Variants in KLHDC10 observed in about 807,000 individuals in gnomAD.
The protein encoded by KLHDC10 is kelch domain-containing protein 10.
KLHDC10 carries 24 observed loss-of-function variants against 56.1 expected under a neutral mutation model. The ratio of observed to expected loss-of-function variants is 0.43; its 90% CI spans 0.31 to 0.60. The LOEUF is 0.60. Among genes scored for constraint, KLHDC10 ranks in the 20% least tolerant of loss-of-function variants. The probability of loss-of-function intolerance (pLI) is 0.11; values close to 1 mark genes in which losing one functional copy is unlikely to be tolerated. For missense variants in KLHDC10, 349 were observed against 567.0 expected (o/e 0.62, Z 3.91); for synonymous variants, 188 against 207.1 (o/e 0.91, Z 0.79).
chr7:130,129,669 C>T, intron 9 of KLHDC10, 93 bp downstream of exon 9: 8 of 1,173,962 alleles, frequency 6.8e-6, no homozygotes, highest in Non-Finnish European at 9.7e-6. Context: ...CAGATATAGG[C>T]AAACCTTAGA....
chr7:130,075,321 T>C (rs1377933636), intron 1 of KLHDC10, among the ~76,000 whole-genome samples: 1 of 152,170 alleles, frequency 6.6e-6, no homozygotes. Context: ...AGGAAAAATG[T>C]AACAGTTGGT....
chr7:130,074,856 A>C (rs1795476094), intron 1 of KLHDC10, among the ~76,000 whole-genome samples: 1 of 151,956 alleles, frequency 6.6e-6, no homozygotes, highest in Admixed American at 6.6e-5. Flanking sequence ...TGATCCACCC[A>C]CCTTGGCCTC....
intron 5 of KLHDC10, among the ~76,000 whole-genome samples, chr7:130,123,421 G>C (rs1266473895): frequency 6.6e-6 from 1 of 150,634 alleles, no homozygotes; most frequent in Non-Finnish European, 1.5e-5. Context: ...AGTGAGCTGA[G>C]ATCACGCCAT....
intron 1 of KLHDC10, among the ~76,000 whole-genome samples, chr7:130,093,166 A>G (rs1396780133): frequency 2.0e-5 from 3 of 151,890 alleles, no homozygotes; most frequent in African/African-American, 7.3e-5. Flanking sequence ...AAAAACTAGC[A>G]AAAAATAAAA....
Position 130,122,186 on chromosome 7 carries a change from G to A in KLHDC10, c.763G>A (p.Asp255Asn). Reference protein sequence around the residue: ...TQLKPNNLSCDLPEERYRHEI... With the variant: ...TQLKPNNLSCNLPEERYRHEI... ...ACTGAAACCAAACAACCTATCCTGT[G>A]ATCTACCAGAAGAGAGGTGAGGTTC... Residue 255 changes from aspartate (D) to asparagine (N), a missense_variant, in exon 5 of 10, where the codon GAT becomes AAT. Around this residue, in one of 2 missense-constraint regions of KLHDC10, gnomAD observed 245 missense variants for 470.1 expected, o/e 0.52. Coordinates refer to ENST00000335420, the MANE Select transcript of KLHDC10 (RefSeq NM_014997.4). The A allele has an allele frequency of 6.2e-7, 1 of 1,613,716 alleles. No homozygotes were observed. Among genetic ancestry groups the A allele is most frequent in the Non-Finnish European group, 8.5e-7 (1 of 1,179,856 alleles).
chr7:130,079,522 T>C (rs908179526), intron 1 of KLHDC10, among the ~76,000 whole-genome samples: 8 of 152,212 alleles, frequency 5.3e-5, no homozygotes, highest in Admixed American at 3.3e-4. Context: ...TGAACCATTC[T>C]TGTGTTCCTG....
intron 2 of KLHDC10, among the ~76,000 whole-genome samples, chr7:130,098,807 A>G (rs934070393): frequency 2.0e-5 from 3 of 152,194 alleles, no homozygotes; most frequent in Non-Finnish European, 4.4e-5. Context: ...AACAGGTTGT[A>G]TCTGTATGAT....
chr7:130,121,456 CA>C (rs539873925), intron 4 of KLHDC10, among the ~76,000 whole-genome samples: 4 of 152,182 alleles, frequency 2.6e-5, no homozygotes, highest in Non-Finnish European at 5.9e-5. Context: ...TTAAAACAAC[CA>C]AGCTTTGACT....
At position 130,133,397 on chromosome 7, in the gene KLHDC10, A is replaced by G. The variant is rs951605117; in HGVS notation, c.*2651A>G. The stretch of plus-strand genomic sequence containing the variant: ...ATTTAAGTGCAATATATAGAAACAT[A>G]TGGATATATACAGATTATATATAGG... On this transcript the variant is annotated 3_prime_UTR_variant, in exon 10 of 10. Coordinates refer to ENST00000335420, the MANE Select transcript of KLHDC10 (RefSeq NM_014997.4). The G allele has an allele frequency of 6.6e-6, 1 of 152,216 alleles. No homozygotes were observed. The highest frequency in any genetic ancestry group is 1.5e-5 in the Non-Finnish European group (1 of 68,032). 9.4% of individuals were successfully genotyped at this position (152,216 alleles called of 1,614,324 possible).
chr7:130,089,636 C>T (rs1795742689), intron 1 of KLHDC10, among the ~76,000 whole-genome samples: 1 of 152,196 alleles, frequency 6.6e-6, no homozygotes, highest in African/African-American at 2.4e-5. Flanking sequence ...TCCAGGTAGA[C>T]ATAGTCCCAT....
At chr7:130,098,249 T>C (rs1197519874) in intron 2 of KLHDC10, among the ~76,000 whole-genome samples, 2 of 152,132 alleles carry the variant, frequency 1.3e-5, no homozygotes, top group African/African-American at 4.8e-5. Flanking sequence ...TCCCAGCTCT[T>C]TGGGAGGCCA....
chr7:130,133,706 T>C lies in KLHDC10; in HGVS notation c.*2960T>C, dbSNP rs936664093. Reference sequence around the variant, plus strand: ...TGTTGCCGGAGAACAAGGAAGTCCATCTGTAAGGAGTTTCCTAAACGGAGA... The same window carrying C: ...TGTTGCCGGAGAACAAGGAAGTCCACCTGTAAGGAGTTTCCTAAACGGAGA... On this transcript the variant is annotated 3_prime_UTR_variant, in exon 10 of 10. Coordinates refer to ENST00000335420, the MANE Select transcript of KLHDC10 (RefSeq NM_014997.4). The C allele has an allele frequency of 3.9e-5, 6 of 152,248 alleles. No individual in the cohort carries two copies. The highest frequency in any genetic ancestry group is 1.4e-4 in the African/African-American group (6 of 41,458). The allele number at this position is 152,248 out of a possible 1,614,324, so 9.4% of individuals were successfully genotyped here.
intron 1 of KLHDC10, among the ~76,000 whole-genome samples, chr7:130,089,108 A>T (rs1316709287): frequency 6.6e-6 from 1 of 152,100 alleles, no homozygotes; most frequent in African/African-American, 2.4e-5. Context: ...AAAAAAACCC[A>T]TGTACAGTAA....
At chr7:130,097,133 GA>G (rs1795860895) in intron 2 of KLHDC10, 126 bp downstream of exon 2, 1 of 580,612 alleles carries the variant, frequency 1.7e-6, no homozygotes, top group East Asian at 2.7e-5. Context: ...GTTGGAATAA[GA>G]AAAATCTAGA....
rs529390342 is a variant in KLHDC10 at position 130,115,570 on chromosome 7, C to T, written c.254-875C>T. Reference sequence around the variant, plus strand: ...GTCTCTACTAAAAACACAAAATTAGCCAGGCATGGTGGCGGGCACCTATAA... The same window carrying T: ...GTCTCTACTAAAAACACAAAATTAGTCAGGCATGGTGGCGGGCACCTATAA... On this transcript the variant is annotated intron_variant, in intron 2 of 9. Coordinates refer to ENST00000335420, the MANE Select transcript of KLHDC10 (RefSeq NM_014997.4). 7.9e-5 allele frequency among the ~76,000 whole-genome samples: 12 copies of T among 151,840 alleles called. No individual in the cohort carries two copies. The East Asian group carries it at 1.5e-3, about 20-fold the overall frequency.
chr7:130,107,364 T>A (rs1417223420), intron 2 of KLHDC10, among the ~76,000 whole-genome samples: 5 of 152,212 alleles, frequency 3.3e-5, no homozygotes, highest in Non-Finnish European at 2.9e-5. Flanking sequence ...AGATAATTCA[T>A]GATAACTAAT....
Position 130,128,903 on chromosome 7 carries a change from T to A in KLHDC10, c.980-534T>A, listed in dbSNP as rs1337161684. On this transcript the variant is annotated intron_variant, in intron 8 of 9. Coordinates refer to ENST00000335420, the MANE Select transcript of KLHDC10 (RefSeq NM_014997.4). The stretch of plus-strand genomic sequence containing the variant: ...AAAAAAAAAAAAATATATATATATA[T>A]ATATATATATATATATACATACTAG... Among the ~76,000 whole-genome samples the A allele has an allele frequency of 8.9e-4, 102 of 115,026 alleles. 3 individuals carry two copies. Among genetic ancestry groups the A allele is most frequent in the Middle Eastern group, 9.3e-3 (2 of 216 alleles). 75.5% of individuals were successfully genotyped at this position (115,026 alleles called of 152,430 possible).
At chr7:130,129,271 A>G (rs1167579025) in intron 8 of KLHDC10, among the ~76,000 whole-genome samples, 166 bp from the exon 9 acceptor site, 19 of 152,134 alleles carry the variant, frequency 1.2e-4, no homozygotes, top group Admixed American at 1.2e-3. Flanking sequence ...AGTTCTGTTG[A>G]GGGACAAGAC....
Position 130,070,759 on chromosome 7 carries a change from C to T in KLHDC10, c.116C>T (p.Thr39Ile), listed in dbSNP as rs764727760. Residue 39 changes from threonine (T) to isoleucine (I), a missense_variant, in exon 1 of 10, where the codon ACT becomes ATT. Around this residue, in one of 2 missense-constraint regions of KLHDC10, gnomAD observed 104 missense variants for 97.0 expected, o/e 1.07. Coordinates refer to ENST00000335420, the MANE Select transcript of KLHDC10 (RefSeq NM_014997.4). The part of the protein sequence containing the change: ...GGSGGSGGRG[T>I]GQLNRFVQLS... ...AGTGGGGGCAGCGGGGGTCGGGGGA[C>T]TGGCCAGCTCAACCGCTTCGTGCAA... 1.5e-6 allele frequency: 2 copies of T among 1,304,618 alleles called. No homozygotes were observed. Among genetic ancestry groups the T allele is most frequent in the Non-Finnish European group, 2.0e-6 (2 of 1,025,096 alleles). 80.8% of individuals were successfully genotyped at this position (1,304,618 alleles called of 1,614,324 possible).
Sources: allele counts gnomAD v4.1 joint callset (sites outside exome capture counted in the v4.1 genomes callset), GRCh38; gene constraint gnomAD v4.1.1; regional missense constraint gnomAD v4.1.1; transcripts MANE v1.5; gene names NCBI Gene and HGNC (gene_info 2026-07-23, HGNC 2026-07-21).